Variants in RAD54L2 observed in about 807,000 individuals in gnomAD.
The protein encoded by RAD54L2 is helicase ARIP4.
A neutral mutation model predicts 138.4 loss-of-function variants in RAD54L2; 27 were observed. The ratio of observed to expected loss-of-function variants is 0.20; its 90% CI spans 0.14 to 0.27. The LOEUF is 0.27. Ranked by LOEUF, RAD54L2 falls within the 10% of genes least tolerant of loss-of-function variation. The probability of loss-of-function intolerance (pLI) is 1.00; values close to 1 mark genes in which losing one functional copy is unlikely to be tolerated. For synonymous variants in RAD54L2, 644 were observed against 723.2 expected, an observed-to-expected ratio of 0.89 and a Z score of 1.76; for missense variants, 1,396 against 1,890.2, an observed-to-expected ratio of 0.74 and a Z score of 4.85.
chr3:51,618,594 G>A (rs920614250), intron 3 of RAD54L2, among the ~76,000 whole-genome samples: 2 of 151,904 alleles, frequency 1.3e-5, no homozygotes, highest in Non-Finnish European at 2.9e-5. Context: ...AAAGAAAGAA[G>A]GACAGAGAAA....
intron 2 of RAD54L2, among the ~76,000 whole-genome samples, chr3:51,588,454 G>GAGGTCAGGAGTTAGAA (rs1553680746): frequency 8.2e-5 from 12 of 146,456 alleles, no homozygotes; most frequent in Admixed American, 2.8e-4. Context: ...AGAATCACCT[G>GAGGTCAGGAGTTAGAA]AACCCAGGAG....
chr3:51,640,088 TC>T (rs1559648447), intron 14 of RAD54L2, 89 bp downstream of exon 14: 3 of 923,800 alleles, frequency 3.2e-6, no homozygotes, highest in Non-Finnish European at 5.0e-6. Flanking sequence ...CACCCCCGCC[TC>T]CCCCAAGTGC....
In RAD54L2 at chr3:51,579,882, G is replaced by GA. The variant is rs1460578135; in HGVS notation, c.-54-10482dup. Among the ~76,000 whole-genome samples, 3 of 152,282 alleles carry GA rather than the reference G, an allele frequency of 2.0e-5. No individual in the cohort carries two copies. In the East Asian group the frequency reaches 5.8e-4, roughly 29 times the overall value. ...AACTTTCTGTTGCATTTTGCAGATA[G>GA]AAACTTTTTACCCTTATTTGCCACT... On this transcript the variant is annotated intron_variant, in intron 2 of 22. Transcript: ENST00000684192.
chr3:51,649,908 A>G (rs1194896737), intron 19 of RAD54L2, among the ~76,000 whole-genome samples: 1 of 152,034 alleles, frequency 6.6e-6, no homozygotes, highest in Non-Finnish European at 1.5e-5. Flanking sequence ...AAACATCATA[A>G]TGATAGGATC....
intron 2 of RAD54L2, among the ~76,000 whole-genome samples, chr3:51,548,242 G>T (rs180704159): frequency 2.0e-5 from 3 of 152,054 alleles, no homozygotes; most frequent in Admixed American, 2.0e-4. Flanking sequence ...AGGCTGGAGT[G>T]CAGTGGCACG....
intron 16 of RAD54L2, 67 bp from the exon 17 acceptor site, chr3:51,644,957 G>A (rs1701236941): frequency 1.9e-6 from 3 of 1,548,594 alleles, no homozygotes; most frequent in South Asian, 2.2e-5. Flanking sequence ...AGTCACAGAG[G>A]GCAAAACTGA....
In RAD54L2 at chr3:51,665,237, T is replaced by A. The variant is rs974500404; in HGVS notation, c.*1817T>A. On this transcript the variant is annotated 3_prime_UTR_variant, in exon 23 of 23. Transcript: ENST00000684192. Reference sequence around the variant, plus strand: ...TGAACAAACTTTGGCTTTAGAGCTTTACCACTTACCCATGGCTCCCTCCTT... The same window carrying A: ...TGAACAAACTTTGGCTTTAGAGCTTAACCACTTACCCATGGCTCCCTCCTT... 2.6e-5 allele frequency: 4 copies of A among 151,978 alleles called. No individual in the cohort carries two copies. In the East Asian group the frequency reaches 7.7e-4, roughly 29 times the overall value. The allele number at this position is 151,978 out of a possible 1,614,324, so 9.4% of individuals were successfully genotyped here.
intron 2 of RAD54L2, among the ~76,000 whole-genome samples, chr3:51,555,803 C>T (rs1316140608): frequency 6.6e-6 from 1 of 152,114 alleles, no homozygotes; most frequent in African/African-American, 2.4e-5. Context: ...AGTATATGCT[C>T]GTATTTACCC....
chr3:51,584,708 CTTTT>C, intron 2 of RAD54L2, among the ~76,000 whole-genome samples: 1 of 149,406 alleles, frequency 6.7e-6, no homozygotes, highest in Non-Finnish European at 1.5e-5. Context: ...ACTGAACTTT[CTTTT>C]GTCTTTGAAT....
chr3:51,667,648 G>T lies in RAD54L2; in HGVS notation c.*4228G>T, dbSNP rs1241009666. 1 of 152,270 alleles carries T rather than the reference G, an allele frequency of 6.6e-6. No individual in the cohort carries two copies. Among genetic ancestry groups the T allele is most frequent in the East Asian group, 1.9e-4 (1 of 5,206 alleles). 9.4% of individuals were successfully genotyped at this position (152,270 alleles called of 1,614,324 possible). A position where few individuals can be genotyped will look rare whatever the true frequency, so the allele number is the denominator to read the frequency against. The stretch of plus-strand genomic sequence containing the variant: ...AATCAGCACCTCAAGGACTATTTGA[G>T]AATGTTGTGCTCTCTATTGGTCACC... On this transcript the variant is annotated 3_prime_UTR_variant, in exon 23 of 23. Coordinates refer to ENST00000684192, the MANE Select transcript of RAD54L2 (RefSeq NM_015106.4).
At chr3:51,631,068 G>A in intron 7 of RAD54L2, 137 bp downstream of exon 7, 2 of 813,984 alleles carry the variant, frequency 2.5e-6, no homozygotes, top group Non-Finnish European at 3.8e-6. Context: ...CTGTTGGAAA[G>A]ACCTGATACT....
Position 51,561,271 on chromosome 3 carries a change from A to G in RAD54L2, c.-55+19621A>G, listed in dbSNP as rs1699090861. On this transcript the variant is annotated intron_variant, in intron 2 of 22. Transcript: ENST00000684192. ...TTCCCTATCTTTTTTTAGGTGAGAC[A>G]GAGTTGCTCTGTTACCCAGGCTGGA... Among the ~76,000 whole-genome samples, 2 of 152,242 alleles carry G rather than the reference A, an allele frequency of 1.3e-5. 1 individual carries two copies. Among genetic ancestry groups the G allele is most frequent in the Non-Finnish European group, 2.9e-5 (2 of 68,048 alleles).
At chr3:51,626,462 T>TTTTTTTTTTTTG in intron 3 of RAD54L2, among the ~76,000 whole-genome samples, 1 of 141,748 alleles carries the variant, frequency 7.1e-6, no homozygotes, top group Non-Finnish European at 1.5e-5. Context: ...TTTTTTTTTT[T>TTTTTTTTTTTTG]AAGAGGGAGT....
At position 51,664,747 on chromosome 3, in the gene RAD54L2, G is replaced by A. The variant is rs910221601; in HGVS notation, c.*1327G>A. 1 of 152,174 alleles carries A rather than the reference G, an allele frequency of 6.6e-6. No homozygotes were observed. Among genetic ancestry groups the A allele is most frequent in the Non-Finnish European group, 1.5e-5 (1 of 68,028 alleles). The allele number at this position is 152,174 out of a possible 1,614,324, so 9.4% of individuals were successfully genotyped here. On this transcript the variant is annotated 3_prime_UTR_variant, in exon 23 of 23. Transcript: ENST00000684192. ...CTTTTCAGGAAGATCAGGGAATCCT[G>A]AGACTGGATAGTTAGTGGAGGGTGG...
chr3:51,600,660 ATGAAACTATT>A (rs775437072), intron 3 of RAD54L2, among the ~76,000 whole-genome samples: 1 of 152,088 alleles, frequency 6.6e-6, no homozygotes. Context: ...ATTGTTTGTA[ATGAAACTATT>A]TGAAACTATT....
chr3:51,667,157 G>A lies in RAD54L2; in HGVS notation c.*3737G>A, dbSNP rs1701927787. 6.6e-6 allele frequency: 1 copy of A among 151,222 alleles called. No individual in the cohort carries two copies. The highest frequency in any genetic ancestry group is 6.6e-5 in the Admixed American group (1 of 15,218). The allele number at this position is 151,222 out of a possible 1,614,324, so 9.4% of individuals were successfully genotyped here. On this transcript the variant is annotated 3_prime_UTR_variant, in exon 23 of 23. Transcript: ENST00000684192. ...ACTAGTGTTCTGGATATTACCTTCTGCTTCCCACTTCCTTTTTTTTTTTTT... is the reference window on the plus strand; with the variant it reads ...ACTAGTGTTCTGGATATTACCTTCTACTTCCCACTTCCTTTTTTTTTTTTT...
chr3:51,585,342 C>T (rs1037496279), intron 2 of RAD54L2, among the ~76,000 whole-genome samples: 5 of 152,082 alleles, frequency 3.3e-5, no homozygotes, highest in African/African-American at 1.2e-4. Flanking sequence ...TATCAAGGAC[C>T]ATAATGACAT....
Position 51,663,032 on chromosome 3 carries a change from T to C in RAD54L2, c.4016T>C (p.Val1339Ala), listed in dbSNP as rs1415914659. The change falls in exon 23 of 23, where the codon GTG becomes GCG. Residue 1339 changes from valine to alanine, a missense_variant. Around this residue, in one of 7 missense-constraint regions of RAD54L2, gnomAD observed 634 missense variants for 711.2 expected, o/e 0.89. Transcript: ENST00000684192. ...AATTTGCTGGCAGATGCCCGCCTGG[T>C]GTTTCCAGTGACTACTGACCCTCTG... ...LSNLLADARLVFPVTTDPLVP... is the reference protein window; with the variant it reads ...LSNLLADARLAFPVTTDPLVP... 1.2e-6 allele frequency: 2 copies of C among 1,613,932 alleles called. No homozygotes were observed. Among genetic ancestry groups the C allele is most frequent in the Non-Finnish European group, 8.5e-7 (1 of 1,179,880 alleles).
intron 3 of RAD54L2, among the ~76,000 whole-genome samples, chr3:51,601,310 C>CTTTTTTTTTTTTTTT (rs779030766): frequency 5.7e-5 from 7 of 123,110 alleles, no homozygotes; most frequent in African/African-American, 2.1e-4. Context: ...CTGCGCCCGG[C>CTTTTTTTTTTTTTTT]TTTTTTTTTT....
Sources: allele counts gnomAD v4.1 joint callset (sites outside exome capture counted in the v4.1 genomes callset), GRCh38; gene constraint gnomAD v4.1.1; regional missense constraint gnomAD v4.1.1; transcripts MANE v1.5; gene names NCBI Gene and HGNC (gene_info 2026-07-23, HGNC 2026-07-21).